The following SLC35F4 variants were observed in gnomAD, a reference collection of about 807,000 sequenced individuals.
SLC35F4 encodes the protein chromosome 14 open reading frame 36.
In SLC35F4, 24 loss-of-function variants were observed where a neutral mutation model predicts 44.2. The ratio of observed to expected loss-of-function variants is 0.54; its 90% confidence interval spans 0.39 to 0.76. The LOEUF (loss-of-function observed/expected upper bound fraction) is 0.76. Ranked by LOEUF, SLC35F4 falls within the 30% of genes least tolerant of loss-of-function variation. SLC35F4 has a pLI of 0.00. For synonymous variants in SLC35F4, 238 were observed against 223.6 expected, an observed-to-expected ratio of 1.06 and a Z score of -0.57; for missense variants, 562 against 586.1, an observed-to-expected ratio of 0.96 and a Z score of 0.42.
intron 1 of SLC35F4, among the ~76,000 whole-genome samples, chr14:57,766,579 A>G (rs538379562): frequency 2.2e-4 from 33 of 152,320 alleles, no homozygotes; most frequent in South Asian, 8.3e-4. Flanking sequence ...TAACTGGGGG[A>G]CATTTGTGAG....
At chr14:57,982,538 G>A (rs894899170), upstream of SLC35F4, among the ~76,000 whole-genome samples, 2 of 152,022 alleles carry the variant, frequency 1.3e-5, no homozygotes, top group African/African-American at 4.8e-5. Context: ...GGGGGAATAT[G>A]AGCAGAAGCA....
chr14:57,871,737 T>C (rs1282229284), intron 1 of SLC35F4, among the ~76,000 whole-genome samples: 2 of 152,160 alleles, frequency 1.3e-5, no homozygotes, highest in African/African-American at 4.8e-5. Flanking sequence ...ATTCTGGTTG[T>C]GAACAAAAAA....
At chr14:57,837,070 A>G (rs1448891137) in intron 1 of SLC35F4, among the ~76,000 whole-genome samples, 1 of 152,202 alleles carries the variant, frequency 6.6e-6, no homozygotes, top group Non-Finnish European at 1.5e-5. Flanking sequence ...AAAAACTGAG[A>G]TTAGAAAATG....
At chr14:57,694,588 T>C (rs905729597) in intron 1 of SLC35F4, among the ~76,000 whole-genome samples, 4 of 152,340 alleles carry the variant, frequency 2.6e-5, no homozygotes, top group African/African-American at 4.8e-5. Flanking sequence ...TGTTGAGAGT[T>C]TGATAGATAT....
chr14:57,805,741 CA>C (rs1469993982), intron 1 of SLC35F4, among the ~76,000 whole-genome samples: 1 of 152,198 alleles, frequency 6.6e-6, no homozygotes, highest in Non-Finnish European at 1.5e-5. Context: ...ACCTATCTAA[CA>C]AACCTGCACA....
intron 1 of SLC35F4, among the ~76,000 whole-genome samples, chr14:57,648,864 A>G (rs921286461): frequency 6.6e-6 from 1 of 152,206 alleles, no homozygotes; most frequent in Non-Finnish European, 1.5e-5. Flanking sequence ...GAAATGATTT[A>G]TTGCTTATCG....
intron 1 of SLC35F4, among the ~76,000 whole-genome samples, chr14:57,666,386 C>A (rs2074310541): frequency 6.6e-6 from 1 of 152,118 alleles, no homozygotes; most frequent in Non-Finnish European, 1.5e-5. Flanking sequence ...TTTCCAGGAC[C>A]TAACAGCCTC....
At chr14:57,861,533 CAG>C (rs1433147542) in intron 1 of SLC35F4, among the ~76,000 whole-genome samples, 1 of 152,190 alleles carries the variant, frequency 6.6e-6, no homozygotes, top group African/African-American at 2.4e-5. Context: ...AAAATCCTTG[CAG>C]AGTCATCTAT....
At chr14:57,973,924 A>T (rs943549773), downstream of SLC35F4, among the ~76,000 whole-genome samples, 6 of 151,864 alleles carry the variant, frequency 4.0e-5, no homozygotes, top group African/African-American at 1.5e-4. Flanking sequence ...GTCATCTCCA[A>T]CCCCACCACT....
In SLC35F4 at chr14:57,865,832, C is replaced by G. The variant is rs1244073077; in HGVS notation, c.-7G>C. ...GGGCCGCCTTGACATCCATAGAGAG[C>G]GCGGGGCGACGGCCCCGAGTGCGGC... is the stretch of plus-strand genomic sequence containing the variant. On this transcript the variant is annotated 5_prime_UTR_variant, in exon 1 of 8. Coordinates refer to ENST00000556826, the MANE Select transcript of SLC35F4 (RefSeq NM_001306087.2). 3 of 1,497,982 alleles carry G rather than the reference C, an allele frequency of 2.0e-6. No homozygotes were observed. Among genetic ancestry groups the G allele is most frequent in the African/African-American group, 1.4e-5 (1 of 69,192 alleles). 92.8% of individuals were successfully genotyped at this position (1,497,982 alleles called of 1,614,324 possible). A position where few individuals can be genotyped will look rare whatever the true frequency, so the allele number is the denominator to read the frequency against.
intron 1 of SLC35F4, among the ~76,000 whole-genome samples, chr14:57,751,342 G>T (rs1328423542): frequency 1.3e-5 from 2 of 152,066 alleles, no homozygotes; most frequent in Non-Finnish European, 2.9e-5. Context: ...GAGAAAATTG[G>T]CATAGAGAGA....
chr14:57,834,056 A>G (rs930991469), intron 1 of SLC35F4, among the ~76,000 whole-genome samples: 2 of 152,214 alleles, frequency 1.3e-5, no homozygotes, highest in Non-Finnish European at 2.9e-5. Flanking sequence ...AAAAGTCTAT[A>G]AATTAAAATA....
rs569338387 is a variant in SLC35F4, at chr14:57,953,254, G to A, written n.282+28659C>T. On this transcript the variant is annotated intron_variant and non_coding_transcript_variant, in intron 1 of 1. Coordinates refer to the SLC35F4 transcript ENST00000556568. ...TGCTAAGAGATTTTACCACCACCAG[G>A]CCTGACTTACAAGAGCTCCTGAAAG... Among the ~76,000 whole-genome samples the A allele has an allele frequency of 2.6e-5, 4 of 152,196 alleles. No individual in the cohort carries two copies. The South Asian group carries it at 8.3e-4, about 32-fold the overall frequency.
At chr14:57,614,108 T>C (rs1427879954) in intron 1 of SLC35F4, among the ~76,000 whole-genome samples, 3 of 152,198 alleles carry the variant, frequency 2.0e-5, no homozygotes, top group Non-Finnish European at 4.4e-5. Flanking sequence ...TTATAAACTG[T>C]GGTTTGGCTG....
intron 1 of SLC35F4, among the ~76,000 whole-genome samples, chr14:57,980,370 G>A (rs1186630357): frequency 6.6e-6 from 1 of 152,204 alleles, no homozygotes; most frequent in African/African-American, 2.4e-5. Flanking sequence ...TGCCTGAACA[G>A]GGTGTCTTGG....
intron 1 of SLC35F4, among the ~76,000 whole-genome samples, chr14:57,657,852 G>A (rs1242203116): frequency 6.6e-6 from 1 of 152,202 alleles, no homozygotes; most frequent in Non-Finnish European, 1.5e-5. Context: ...AAAGATTTTA[G>A]TTCTGTGTTT....
At chr14:57,620,504 A>G (rs2072119313) in intron 1 of SLC35F4, among the ~76,000 whole-genome samples, 1 of 152,202 alleles carries the variant, frequency 6.6e-6, no homozygotes, top group South Asian at 2.1e-4. Context: ...AGATTCTGTC[A>G]CCACCAGGCC....
chr14:57,729,218 T>C (rs936191568), intron 1 of SLC35F4, among the ~76,000 whole-genome samples: 1 of 152,208 alleles, frequency 6.6e-6, no homozygotes, highest in South Asian at 2.1e-4. Context: ...GGAATTTCTC[T>C]GATATTATCC....
At chr14:57,879,200 G>A (rs1463358922) in intron 1 of SLC35F4, among the ~76,000 whole-genome samples, 3 of 152,236 alleles carry the variant, frequency 2.0e-5, no homozygotes, top group Admixed American at 2.0e-4. Context: ...CAAGGTACTT[G>A]GCATTGCACT....
Sources: allele counts gnomAD v4.1 joint callset (sites outside exome capture counted in the v4.1 genomes callset), GRCh38; gene constraint gnomAD v4.1.1; transcripts MANE v1.5; gene names NCBI Gene and HGNC (gene_info 2026-07-23, HGNC 2026-07-21).